The following DCHS2 variants were observed in gnomAD, a reference collection of about 807,000 sequenced individuals.
The protein encoded by DCHS2 is protocadherin-23.
In DCHS2, 142 loss-of-function variants were observed where a neutral mutation model predicts 182.4. The ratio of observed to expected loss-of-function variants is 0.78; its 90% CI spans 0.68 to 0.89. The LOEUF is 0.89. DCHS2 is among the 40% of genes least tolerant of loss of function. The pLI, the probability that DCHS2 is intolerant of heterozygous loss-of-function variation, is 0.00. For missense variants in DCHS2, 4,319 were observed against 4,198.6 expected, an observed-to-expected ratio of 1.03 and a Z score of -0.79; for synonymous variants, 1,740 against 1,663.3, an observed-to-expected ratio of 1.05 and a Z score of -1.12.
chr4:154,434,596 T>C (rs1733695784), intron 1 of DCHS2, among the ~76,000 whole-genome samples: 1 of 152,158 alleles, frequency 6.6e-6, no homozygotes, highest in East Asian at 1.9e-4. Flanking sequence ...GGGTAAAGGG[T>C]ACATGAGTGT....
chr4:154,256,424 T>A (rs1314568646), intron 15 of DCHS2, among the ~76,000 whole-genome samples: 1 of 152,154 alleles, frequency 6.6e-6, no homozygotes, highest in Non-Finnish European at 1.5e-5. Flanking sequence ...TGTGAGCCAC[T>A]GTGGCTGGCC....
intron 1 of DCHS2, among the ~76,000 whole-genome samples, chr4:154,378,560 G>GGAAGGAAA (rs1561078204): frequency 9.3e-5 from 14 of 151,206 alleles, no homozygotes; most frequent in Admixed American, 7.9e-4. Flanking sequence ...AAGGAAGGAA[G>GGAAGGAAA]GAAGGTAGGA....
At chr4:154,426,460 G>T (rs936867464) in intron 1 of DCHS2, among the ~76,000 whole-genome samples, 1 of 152,090 alleles carries the variant, frequency 6.6e-6, no homozygotes, top group Non-Finnish European at 1.5e-5. Flanking sequence ...AAGGGAATAA[G>T]CAGGAAGCTA....
chr4:154,471,297 T>C (rs1735456978), intron 1 of DCHS2, among the ~76,000 whole-genome samples: 1 of 152,238 alleles, frequency 6.6e-6, no homozygotes, highest in Admixed American at 6.5e-5. Context: ...ATTATTTGCA[T>C]ATGTTAAGGT....
intron 13 of DCHS2, among the ~76,000 whole-genome samples, chr4:154,283,506 C>T (rs1283251277): frequency 6.7e-6 from 1 of 150,282 alleles, no homozygotes; most frequent in East Asian, 2.0e-4. Context: ...TTAATGCATG[C>T]AATGAGAAGT....
At chr4:154,462,559 A>T (rs2111000679) in intron 1 of DCHS2, among the ~76,000 whole-genome samples, 1 of 152,282 alleles carries the variant, frequency 6.6e-6, no homozygotes, top group South Asian at 2.1e-4. Context: ...GAAATGGTTA[A>T]ATTTCCCATA....
chr4:154,409,048 G>T (rs1036150897), intron 1 of DCHS2, among the ~76,000 whole-genome samples: 2 of 152,222 alleles, frequency 1.3e-5, no homozygotes, highest in Admixed American at 1.3e-4. Flanking sequence ...AAGCCAAGCA[G>T]TCAAGCATCT....
At position 154,333,146 on chromosome 4, in the gene DCHS2, G is replaced by T. The variant is rs765925742; in HGVS notation, c.3062C>A (p.Pro1021Gln). 1.3e-5 allele frequency: 21 copies of T among 1,614,048 alleles called. No homozygotes were observed. The South Asian group carries it at 2.0e-4, about 15-fold the overall frequency. ...GTCGATGGCAAAGACGCCTGGCTGC[G>T]GGCTGGCGATGGAGTACCGGATGAG... ...NGLIRYSIAS[P>Q]QPGVFAIDRA... is the part of the protein sequence containing the mutation. The change falls in exon 5 of 20, where the codon CCG becomes CAG. Residue 1021 changes from proline (P) to glutamine (Q), a missense_variant. Transcript: ENST00000357232.
intron 7 of DCHS2, among the ~76,000 whole-genome samples, chr4:154,323,888 A>G (rs955670572): frequency 6.6e-6 from 1 of 151,622 alleles, no homozygotes; most frequent in African/African-American, 2.4e-5. Flanking sequence ...AAAAAAATCC[A>G]AAAGCTGAAA....
chr4:154,448,874 A>G (rs1042975661), intron 1 of DCHS2, among the ~76,000 whole-genome samples: 4 of 152,172 alleles, frequency 2.6e-5, no homozygotes, highest in Admixed American at 6.5e-5. Context: ...CCATCCCCCA[A>G]TATAGGCTCA....
At chr4:154,457,844 A>C (rs780465463) in intron 1 of DCHS2, among the ~76,000 whole-genome samples, 1 of 152,166 alleles carries the variant, frequency 6.6e-6, no homozygotes, top group Non-Finnish European at 1.5e-5. Context: ...ATTTTTAACG[A>C]GTTCTCTGGT....
At chr4:154,291,657 A>C (rs145200001) in intron 13 of DCHS2, among the ~76,000 whole-genome samples, 7 of 152,302 alleles carry the variant, frequency 4.6e-5, no homozygotes, top group African/African-American at 4.8e-5. Flanking sequence ...ACATGGATGG[A>C]ACTGGAGGTC....
intron 1 of DCHS2, among the ~76,000 whole-genome samples, chr4:154,381,066 C>T (rs918774614): frequency 3.9e-5 from 6 of 152,066 alleles, no homozygotes; most frequent in Admixed American, 6.6e-5. Context: ...ACTCCATTAT[C>T]GCAATCTTAT....
chr4:154,302,156 G>T (rs931124613), intron 12 of DCHS2, among the ~76,000 whole-genome samples: 8 of 152,102 alleles, frequency 5.3e-5, no homozygotes, highest in African/African-American at 1.9e-4. Context: ...AGGTAATATT[G>T]ATTGAAGAAG....
At chr4:154,308,757 C>A (rs1735555191) in intron 10 of DCHS2, among the ~76,000 whole-genome samples, 1 of 152,112 alleles carries the variant, frequency 6.6e-6, no homozygotes, top group Admixed American at 6.6e-5. Context: ...TGCCAAGATA[C>A]CATACCATGT....
chr4:154,476,076 C>G (rs1193170855), intron 1 of DCHS2, among the ~76,000 whole-genome samples: 1 of 152,116 alleles, frequency 6.6e-6, no homozygotes, highest in Non-Finnish European at 1.5e-5. Context: ...TGTCTTTTTA[C>G]GTTTTCAATT....
At chr4:154,310,856 A>G (rs1404320608) in intron 10 of DCHS2, among the ~76,000 whole-genome samples, 1 of 152,208 alleles carries the variant, frequency 6.6e-6, no homozygotes, top group African/African-American at 2.4e-5. Flanking sequence ...TCTTAATTAG[A>G]CACATGCATT....
Position 154,440,964 on chromosome 4 carries a change from AC to A in DCHS2, c.2052+48339del, listed in dbSNP as rs1387330175. On this transcript the variant is annotated intron_variant, in intron 1 of 19. Coordinates refer to ENST00000357232, the MANE Select transcript of DCHS2 (RefSeq NM_001358235.2). ...TGGAGTTATAATGTGCAAAAGGCAT[AC>A]ACATATATCTCACCAGTAAGTTGAG... is the stretch of plus-strand genomic sequence containing the variant. Among the ~76,000 whole-genome samples, 3 of 152,348 alleles carry A rather than the reference AC, an allele frequency of 2.0e-5. No homozygotes were observed. The East Asian group carries it at 5.8e-4, about 29-fold the overall frequency.
At chr4:154,364,987 A>C (rs1276687000) in intron 3 of DCHS2, among the ~76,000 whole-genome samples, 1 of 152,054 alleles carries the variant, frequency 6.6e-6, no homozygotes, top group Non-Finnish European at 1.5e-5. Context: ...GTAATGTCAT[A>C]TTATATTTTT....
Sources: gnomAD v4.1 joint callset for allele counts (sites outside exome capture counted in the v4.1 genomes callset) on GRCh38, gnomAD v4.1.1 for gene constraint, MANE v1.5 for transcripts, NCBI Gene and HGNC (gene_info 2026-07-23, HGNC 2026-07-21) for gene names.